RYK: variants seen among roughly 807,000 people sequenced by gnomAD.
RYK encodes the protein inactive tyrosine-protein kinase RYK.
RYK carries 21 observed loss-of-function variants against 70.2 expected under a neutral mutation model. That is an observed-to-expected ratio of 0.30 (90% confidence interval 0.21 to 0.43). RYK has a LOEUF of 0.43. Ranked by LOEUF, RYK falls within the 20% of genes least tolerant of loss-of-function variation. RYK has a pLI of 1.00. For synonymous variants in RYK, 267 were observed against 278.0 expected (o/e 0.96, Z 0.39); for missense variants, 604 against 753.3 (o/e 0.80, Z 2.32).
At chr3:134,248,241 G>A (rs529344428) in intron 1 of RYK, among the ~76,000 whole-genome samples, 1 of 152,258 alleles carries the variant, frequency 6.6e-6, no homozygotes, top group Admixed American at 6.5e-5. Context: ...CGCCCCCGGG[G>A]ATAGACAAGG....
intron 13 of RYK, among the ~76,000 whole-genome samples, chr3:134,161,079 T>C (rs1453339055): frequency 6.6e-6 from 1 of 152,126 alleles, no homozygotes; most frequent in East Asian, 1.9e-4. Context: ...TGAAAATATA[T>C]TAGTAACAAC....
chr3:134,248,102 A>G (rs1227392152), intron 1 of RYK, among the ~76,000 whole-genome samples: 2 of 152,188 alleles, frequency 1.3e-5, no homozygotes, highest in Non-Finnish European at 1.5e-5. Context: ...TTTTAAAGGT[A>G]GAATGTATGA....
chr3:134,177,895 C>A, intron 11 of RYK, 46 bp downstream of exon 11: 1 of 1,531,512 alleles, frequency 6.5e-7, no homozygotes. Context: ...AAGACATTAT[C>A]AGAAACTACT....
rs1166113242 is a variant in RYK, at chr3:134,250,857, G to C, written c.-203C>G. ...CTCGCTGCATCGTCCGGAGTTGGGG[G>C]CTGCCCGCGGGACGCGCCCGTGCGC... On this transcript the variant is annotated 5_prime_UTR_variant, in exon 1 of 15. Transcript: ENST00000623711. 1.9e-5 allele frequency: 3 copies of C among 157,926 alleles called. No individual in the cohort carries two copies. The highest frequency in any genetic ancestry group is 4.1e-5 in the Non-Finnish European group (3 of 73,196). The allele number at this position is 157,926 out of a possible 1,614,324, so 9.8% of individuals were successfully genotyped here.
intron 2 of RYK, among the ~76,000 whole-genome samples, chr3:134,214,934 G>C (rs2014507697): frequency 6.6e-6 from 1 of 152,088 alleles, no homozygotes; most frequent in Admixed American, 6.5e-5. Context: ...AGTACACTAG[G>C]GTTCTAGCCC....
intron 2 of RYK, among the ~76,000 whole-genome samples, chr3:134,212,138 A>C (rs572952760): frequency 6.6e-6 from 1 of 152,128 alleles, no homozygotes; most frequent in East Asian, 1.9e-4. Context: ...ACCAAAAAGA[A>C]AGTTCATGTT....
At chr3:134,193,425 C>T (rs112644975) in intron 7 of RYK, among the ~76,000 whole-genome samples, 17,191 of 152,198 alleles carry the variant, frequency 0.11, 1,026 homozygotes, top group Middle Eastern at 0.16. Flanking sequence ...CCTCATGATC[C>T]GCCCGCCTTG....
chr3:134,160,196 A>C (rs1449879742), intron 13 of RYK, among the ~76,000 whole-genome samples: 1 of 152,210 alleles, frequency 6.6e-6, no homozygotes, highest in South Asian at 2.1e-4. Flanking sequence ...ACAAATTCAA[A>C]TCATTTTGCA....
chr3:134,207,629 G>C, intron 4 of RYK, 104 bp from the exon 5 acceptor site: 7 of 688,514 alleles, frequency 1.0e-5, no homozygotes, highest in Non-Finnish European at 1.7e-5. Flanking sequence ...CAACAGGTAT[G>C]TGTTGCGAGA....
At chr3:134,188,950 G>C (rs2013558118) in intron 8 of RYK, 27 bp from the exon 9 acceptor site, 1 of 1,265,666 alleles carries the variant, frequency 7.9e-7, no homozygotes, top group Admixed American at 2.2e-5. Flanking sequence ...TAATTAATGA[G>C]ATCATACAAC....
At chr3:134,218,057 G>A (rs184112479) in intron 2 of RYK, among the ~76,000 whole-genome samples, 14 of 152,214 alleles carry the variant, frequency 9.2e-5, no homozygotes, top group African/African-American at 3.1e-4. Flanking sequence ...AGATGAACTT[G>A]TGAAATCAGT....
chr3:134,250,849 A>T lies in RYK; in HGVS notation c.-195T>A, dbSNP rs1288699549. The stretch of plus-strand genomic sequence containing the variant: ...GCCGCCTCCTCGCTGCATCGTCCGG[A>T]GTTGGGGGCTGCCCGCGGGACGCGC... On this transcript the variant is annotated 5_prime_UTR_variant, in exon 1 of 15. Coordinates refer to ENST00000623711, the MANE Select transcript of RYK (RefSeq NM_002958.4). 1 of 159,270 alleles carries T rather than the reference A, an allele frequency of 6.3e-6. No individual in the cohort carries two copies. Among genetic ancestry groups the T allele is most frequent in the Non-Finnish European group, 1.3e-5 (1 of 74,796 alleles). 9.9% of individuals were successfully genotyped at this position (159,270 alleles called of 1,614,324 possible). A position where few individuals can be genotyped will look rare whatever the true frequency, so the allele number is the denominator to read the frequency against.
chr3:134,197,070 CT>C (rs1438476427), intron 6 of RYK, among the ~76,000 whole-genome samples: 2 of 152,208 alleles, frequency 1.3e-5, no homozygotes, highest in African/African-American at 2.4e-5. Context: ...ACTGCAATTA[CT>C]GCACCAACCT....
chr3:134,235,940 T>C (rs1005302590), intron 1 of RYK, among the ~76,000 whole-genome samples: 17 of 151,900 alleles, frequency 1.1e-4, no homozygotes, highest in Admixed American at 2.6e-4. Context: ...AGGTGTGCTA[T>C]AGTTAGGAAA....
intron 10 of RYK, chr3:134,178,646 G>A (rs1279533620): frequency 2.0e-5 from 3 of 152,138 alleles, no homozygotes; most frequent in Non-Finnish European, 4.4e-5. Flanking sequence ...CTTGGCTTTG[G>A]TTTCCATTCT....
At chr3:134,169,164 T>C (rs753010566) in intron 13 of RYK, among the ~76,000 whole-genome samples, 1 of 152,230 alleles carries the variant, frequency 6.6e-6, no homozygotes, top group Non-Finnish European at 1.5e-5. Context: ...ATATTTGGCA[T>C]GGAAGTTATT....
chr3:134,234,445 G>C (rs1041968902), intron 1 of RYK, among the ~76,000 whole-genome samples: 1 of 152,086 alleles, frequency 6.6e-6, no homozygotes, highest in African/African-American at 2.4e-5. Flanking sequence ...CAAAAGAGAA[G>C]ACCAAAACTT....
chr3:134,194,311 G>C (rs1418874139), intron 7 of RYK, among the ~76,000 whole-genome samples: 1 of 152,084 alleles, frequency 6.6e-6, no homozygotes, highest in Admixed American at 6.5e-5. Context: ...CAAATTTGTG[G>C]ATTTTTACAC....
chr3:134,202,031 C>T (rs1372927907), intron 6 of RYK, among the ~76,000 whole-genome samples: 1 of 152,220 alleles, frequency 6.6e-6, no homozygotes, highest in African/African-American at 2.4e-5. Flanking sequence ...ATACATATCA[C>T]AGTCATCAAA....
Sources: allele counts gnomAD v4.1 joint callset (sites outside exome capture counted in the v4.1 genomes callset), GRCh38; gene constraint gnomAD v4.1.1; transcripts MANE v1.5; gene names NCBI Gene and HGNC (gene_info 2026-07-23, HGNC 2026-07-21).